The following EFHC2 variants were observed in gnomAD, a reference collection of about 807,000 sequenced individuals.
EFHC2 encodes the protein EF-hand domain-containing family member C2.
EFHC2 carries 18 observed loss-of-function variants against 52.7 expected under a neutral mutation model. That is an observed-to-expected ratio of 0.34 (90% CI 0.24 to 0.51). The LOEUF is 0.51. Among genes scored for constraint, EFHC2 ranks in the 20% least tolerant of loss-of-function variants. The pLI, the probability that EFHC2 is intolerant of heterozygous loss-of-function variation, is 0.97. For missense variants in EFHC2, 513 were observed against 562.5 expected, an observed-to-expected ratio of 0.91 and a Z score of 0.89; for synonymous variants, 203 against 204.1, an observed-to-expected ratio of 0.99 and a Z score of 0.04.
chrX:44,313,507 G>A (rs1447740993), intron 1 of EFHC2, among the ~76,000 whole-genome samples: 2 of 112,229 alleles, frequency 1.8e-5, no homozygotes, highest in African/African-American at 6.5e-5. Context: ...TCTTGTCTTA[G>A]GCACAAGGAA....
chrX:44,248,707 C>A, intron 6 of EFHC2, 96 bp downstream of exon 6: 1 of 680,612 alleles, frequency 1.5e-6, no homozygotes. Context: ...CGATTTCATT[C>A]ACAATCTCAC....
chrX:44,257,209 G>T (rs780609226), intron 4 of EFHC2, among the ~76,000 whole-genome samples: 8 of 111,343 alleles, frequency 7.2e-5, no homozygotes, highest in African/African-American at 2.3e-4. Flanking sequence ...ATGGGCAAAA[G>T]CTGGAAGCAT....
chrX:44,155,230 T>A (rs2036598099), intron 14 of EFHC2, among the ~76,000 whole-genome samples: 1 of 112,205 alleles, frequency 8.9e-6, no homozygotes, highest in South Asian at 3.7e-4. Context: ...AAGCTGGCTG[T>A]CACTCGAGGC....
intron 1 of EFHC2, among the ~76,000 whole-genome samples, chrX:44,321,713 G>A (rs1178365792): frequency 2.7e-5 from 3 of 111,541 alleles, no homozygotes; most frequent in Admixed American, 9.6e-5. Context: ...CGAGGCTTGA[G>A]ACTTGACCCC....
chrX:44,180,770 G>T (rs865856429), intron 11 of EFHC2, among the ~76,000 whole-genome samples: 1 of 106,966 alleles, frequency 9.3e-6, no homozygotes, highest in African/African-American at 3.4e-5. Context: ...AAATAAAAAA[G>T]AAGATTATAG....
intron 3 of EFHC2, among the ~76,000 whole-genome samples, chrX:44,269,378 G>A (rs1461404188): frequency 9.1e-6 from 1 of 110,099 alleles, no homozygotes; most frequent in Non-Finnish European, 1.9e-5. Context: ...AGACCTCTGA[G>A]GCCGATATAG....
chrX:44,217,470 C>G (rs760083080), intron 11 of EFHC2, among the ~76,000 whole-genome samples: 1 of 111,693 alleles, frequency 9.0e-6, no homozygotes, highest in African/African-American at 3.3e-5. Flanking sequence ...TGGAAGCAAC[C>G]TAAGTGTCCA....
At chrX:44,232,698 C>A in intron 9 of EFHC2, 21 bp from the exon 10 acceptor site, 4 of 1,162,624 alleles carry the variant, frequency 3.4e-6, no homozygotes, top group Non-Finnish European at 4.6e-6. Context: ...TAGAAAAGTT[C>A]ATGAGCAGCC....
rs746208476 is a variant in EFHC2, at chrX:44,178,493, C to G, written c.1823G>C (p.Arg608Pro). 19 of 1,204,030 alleles carry G rather than the reference C, an allele frequency of 1.6e-5. No homozygotes were observed. The Admixed American group carries it at 4.2e-4, about 27-fold the overall frequency. The change falls in exon 12 of 15, where the codon CGT (arginine) becomes CCT (proline). Residue 608 changes from arginine (R) to proline (P), a missense_variant. Coordinates refer to ENST00000420999, the MANE Select transcript of EFHC2 (RefSeq NM_025184.4). The stretch of plus-strand genomic sequence containing the variant: ...ATCTGAACATGTGCCCTCAGGCACA[C>G]GGTAGTGACGTGCAATGGTTACAAA... Reference protein sequence around the residue: ...QEFVTIARHYRVPEGTCSDMD... With the variant: ...QEFVTIARHYPVPEGTCSDMD...
At chrX:44,213,838 T>C (rs773428671) in intron 11 of EFHC2, among the ~76,000 whole-genome samples, 6 of 111,863 alleles carry the variant, frequency 5.4e-5, no homozygotes, top group Non-Finnish European at 1.1e-4. Context: ...CCTGAACTAG[T>C]CCCTCAAGTT....
chrX:44,335,932 G>A (rs1602223129), intron 1 of EFHC2, among the ~76,000 whole-genome samples: 1 of 97,971 alleles, frequency 1.0e-5, no homozygotes, highest in East Asian at 3.1e-4. Context: ...CTCATCAGGC[G>A]GATCGCCTGA....
intron 2 of EFHC2, among the ~76,000 whole-genome samples, chrX:44,294,285 TG>T (rs1183255078): frequency 9.6e-6 from 1 of 104,405 alleles, no homozygotes; most frequent in African/African-American, 3.8e-5. Context: ...TGTGTGTGTG[TG>T]TGTGTGTGTA....
chrX:44,278,424 C>T (rs2147356977), intron 2 of EFHC2, among the ~76,000 whole-genome samples: 1 of 112,089 alleles, frequency 8.9e-6, no homozygotes, highest in African/African-American at 3.2e-5. Flanking sequence ...TAAGTTAAAT[C>T]AGAACCTTGG....
At chrX:44,309,261 T>C in intron 2 of EFHC2, 1 of 520,549 alleles carries the variant, frequency 1.9e-6, no homozygotes, top group Non-Finnish European at 3.2e-6. Context: ...TCAGCTGATT[T>C]TTTTTATGAG....
chrX:44,322,666 G>A (rs1425304873), intron 1 of EFHC2, among the ~76,000 whole-genome samples: 1 of 111,945 alleles, frequency 8.9e-6, no homozygotes, highest in Non-Finnish European at 1.9e-5. Context: ...CGAGACAGTG[G>A]TTAGGACTAA....
intron 3 of EFHC2, among the ~76,000 whole-genome samples, chrX:44,265,017 T>C (rs1428025231): frequency 9.5e-6 from 1 of 105,156 alleles, no homozygotes; most frequent in Admixed American, 1.1e-4. Flanking sequence ...TGTCCAGCTT[T>C]TCCTCATCTT....
At chrX:44,170,546 TCCCCCATCACAGAGG>T (rs1401064735) in intron 13 of EFHC2, among the ~76,000 whole-genome samples, 1 of 110,222 alleles carries the variant, frequency 9.1e-6, no homozygotes, top group African/African-American at 3.3e-5. Context: ...TCTCCCCAAG[TCCCCCATCACAGAGG>T]CCTCCCTCTG....
chrX:44,172,538 G>A (rs989393954), intron 13 of EFHC2, among the ~76,000 whole-genome samples: 1 of 112,090 alleles, frequency 8.9e-6, no homozygotes, highest in African/African-American at 3.2e-5. Flanking sequence ...TGTCCAGTGC[G>A]TTAGCACAGG....
chrX:44,153,584 G>A (rs772448380), intron 14 of EFHC2, among the ~76,000 whole-genome samples: 42 of 111,528 alleles, frequency 3.8e-4, no homozygotes, highest in African/African-American at 1.4e-3. Flanking sequence ...TCAAATTTGG[G>A]ACCAAAGGAA....
Sources: gnomAD v4.1 joint callset for allele counts (sites outside exome capture counted in the v4.1 genomes callset) on GRCh38, gnomAD v4.1.1 for gene constraint, MANE v1.5 for transcripts, NCBI Gene and HGNC (gene_info 2026-07-23, HGNC 2026-07-21) for gene names.